Variants in VTI1A observed in about 807,000 individuals in gnomAD.
VTI1A encodes the protein vesicle transport through interaction with t-SNAREs 1A.
Under a neutral mutation model 34.9 loss-of-function variants are expected in VTI1A, and 22 were observed. The ratio of observed to expected loss-of-function variants is 0.63; its 90% CI spans 0.45 to 0.90. VTI1A has a LOEUF of 0.90. Ranked by LOEUF, VTI1A falls within the 40% of genes least tolerant of loss-of-function variation. The probability of loss-of-function intolerance (pLI) is 0.00; values close to 1 mark genes in which losing one functional copy is unlikely to be tolerated. For missense variants in VTI1A, 268 were observed against 275.6 expected, an observed-to-expected ratio of 0.97 and a Z score of 0.20; for synonymous variants, 87 against 97.3, an observed-to-expected ratio of 0.89 and a Z score of 0.62.
chr10:112,797,820 A>AT (rs1852723771), intron 7 of VTI1A, among the ~76,000 whole-genome samples: 1 of 152,214 alleles, frequency 6.6e-6, no homozygotes, highest in Non-Finnish European at 1.5e-5. Flanking sequence ...TTTACAAAAG[A>AT]AGTAACGGGG....
rs996141496 is a variant in VTI1A, at chr10:112,665,042, A to G, written c.428-3176A>G. 2.6e-5 allele frequency among the ~76,000 whole-genome samples: 4 copies of G among 152,324 alleles called. No homozygotes were observed. The South Asian group carries it at 6.2e-4, about 24-fold the overall frequency. ...ATGGCTGTTCCATTCTTAAGGCCCT[A>G]TGGAAGTTAAAGAACTGAAAATTTA... On this transcript the variant is annotated intron_variant, in intron 5 of 7. Coordinates refer to ENST00000393077, the MANE Select transcript of VTI1A (RefSeq NM_145206.4).
intron 5 of VTI1A, among the ~76,000 whole-genome samples, chr10:112,627,979 T>A (rs939077424): frequency 6.6e-6 from 1 of 152,052 alleles, no homozygotes; most frequent in Non-Finnish European, 1.5e-5. Context: ...CATGAGAAAA[T>A]GAGCCCCGCG....
At chr10:112,499,951 G>A (rs910289895) in intron 3 of VTI1A, among the ~76,000 whole-genome samples, 4 of 152,276 alleles carry the variant, frequency 2.6e-5, no homozygotes, top group Middle Eastern at 3.4e-3. Context: ...TCTGTCTTCA[G>A]TCAAGTCCTC....
intron 3 of VTI1A, among the ~76,000 whole-genome samples, chr10:112,473,345 C>G (rs1848165078): frequency 6.6e-6 from 1 of 151,974 alleles, no homozygotes; most frequent in Admixed American, 6.6e-5. Context: ...CTCTTGACCT[C>G]GTGATCCACC....
chr10:112,677,980 A>G (rs1848090102), intron 7 of VTI1A, among the ~76,000 whole-genome samples: 3 of 152,212 alleles, frequency 2.0e-5, no homozygotes, highest in Non-Finnish European at 4.4e-5. Flanking sequence ...AGAATGCCTA[A>G]AAATAGTTTC....
chr10:112,594,075 A>G (rs1844514348), intron 5 of VTI1A, among the ~76,000 whole-genome samples: 1 of 151,966 alleles, frequency 6.6e-6, no homozygotes, highest in South Asian at 2.1e-4. Context: ...ATGCCCGGCT[A>G]ATTTTTTTTG....
chr10:112,725,023 C>G (rs968418774), intron 7 of VTI1A, among the ~76,000 whole-genome samples: 13 of 152,144 alleles, frequency 8.5e-5, no homozygotes, highest in African/African-American at 2.9e-4. Flanking sequence ...CTAGAACATA[C>G]AGCATAACTT....
At chr10:112,655,321 G>A (rs997291805) in intron 5 of VTI1A, among the ~76,000 whole-genome samples, 2 of 152,130 alleles carry the variant, frequency 1.3e-5, no homozygotes, top group Non-Finnish European at 2.9e-5. Flanking sequence ...AATTAACCCA[G>A]AACAAAGGAT....
At chr10:112,613,783 C>G (rs1283371351) in intron 5 of VTI1A, among the ~76,000 whole-genome samples, 1 of 152,196 alleles carries the variant, frequency 6.6e-6, no homozygotes, top group Non-Finnish European at 1.5e-5. Flanking sequence ...GTTGCCATGC[C>G]AGGCCAGGGC....
At chr10:112,686,706 A>G (rs1848430097) in intron 7 of VTI1A, among the ~76,000 whole-genome samples, 1 of 152,184 alleles carries the variant, frequency 6.6e-6, no homozygotes, top group South Asian at 2.1e-4. Context: ...GTAAGTGCCT[A>G]CTATATGCTC....
At chr10:112,665,790 A>G (rs1015284440) in intron 5 of VTI1A, among the ~76,000 whole-genome samples, 1 of 152,166 alleles carries the variant, frequency 6.6e-6, no homozygotes, top group Non-Finnish European at 1.5e-5. Flanking sequence ...AACTTTATGC[A>G]TACTTTATTT....
intron 7 of VTI1A, among the ~76,000 whole-genome samples, chr10:112,713,566 C>T (rs549236315): frequency 5.3e-5 from 8 of 152,338 alleles, no homozygotes; most frequent in African/African-American, 1.9e-4. Flanking sequence ...AGGATTGCAG[C>T]AGCTCCAGTC....
chr10:112,585,957 A>T (rs1362995078), intron 5 of VTI1A, among the ~76,000 whole-genome samples: 1 of 152,070 alleles, frequency 6.6e-6, no homozygotes, highest in Non-Finnish European at 1.5e-5. Context: ...AGACTGTTGG[A>T]GTCAAGTCCT....
intron 5 of VTI1A, among the ~76,000 whole-genome samples, chr10:112,544,601 GCAA>G (rs1462838657): frequency 7.3e-5 from 11 of 151,174 alleles, no homozygotes; most frequent in Non-Finnish European, 1.3e-4. Flanking sequence ...GCACAACATA[GCAA>G]GACCCTGTCC....
rs187903581 is a variant in VTI1A, at chr10:112,463,359, C to T, written c.154-1188C>T. The stretch of plus-strand genomic sequence containing the variant: ...AATCTAGCAATTATCAAGTAAGAGA[C>T]ACTGTTCTAAGTACATTATAAGAAT... On this transcript the variant is annotated intron_variant, in intron 2 of 7. Transcript: ENST00000393077. 5.3e-5 allele frequency among the ~76,000 whole-genome samples: 8 copies of T among 152,292 alleles called. No individual in the cohort carries two copies. In the East Asian group the frequency reaches 1.5e-3, roughly 29 times the overall value.
chr10:112,675,563 G>A (rs1284121981), intron 7 of VTI1A, among the ~76,000 whole-genome samples: 2 of 152,154 alleles, frequency 1.3e-5, no homozygotes, highest in East Asian at 1.9e-4. Flanking sequence ...GAGTCCTTTC[G>A]AATTGTTGTA....
chr10:112,681,551 A>G (rs1363531730), intron 7 of VTI1A, among the ~76,000 whole-genome samples: 3 of 152,236 alleles, frequency 2.0e-5, no homozygotes, highest in Admixed American at 6.5e-5. Context: ...ACACAAATTC[A>G]AATTTTTTAA....
intron 2 of VTI1A, among the ~76,000 whole-genome samples, chr10:112,464,029 C>G (rs1337835172): frequency 1.3e-5 from 2 of 152,170 alleles, no homozygotes; most frequent in African/African-American, 2.4e-5. Flanking sequence ...GAGTCTTGCT[C>G]TCTCACCTAG....
At chr10:112,805,006 G>A (rs1305016497) in intron 7 of VTI1A, among the ~76,000 whole-genome samples, 1 of 151,514 alleles carries the variant, frequency 6.6e-6, no homozygotes, top group Non-Finnish European at 1.5e-5. Flanking sequence ...GGCTAAAGGT[G>A]TGCCCCACCA....
Sources: gnomAD v4.1 joint callset for allele counts (sites outside exome capture counted in the v4.1 genomes callset) on GRCh38, gnomAD v4.1.1 for gene constraint, MANE v1.5 for transcripts, NCBI Gene and HGNC (gene_info 2026-07-23, HGNC 2026-07-21) for gene names.